KLF12: variants seen among roughly 807,000 people sequenced by gnomAD.
The protein encoded by KLF12 is KLF transcription factor 12, also known as Krueppel-like factor 12.
In KLF12, 9 loss-of-function variants were observed where a neutral mutation model predicts 37.8. That is an observed-to-expected ratio of 0.24 (90% confidence interval 0.14 to 0.42). The LOEUF is 0.42. Ranked by LOEUF, KLF12 falls within the 10% of genes least tolerant of loss-of-function variation. KLF12 has a pLI of 1.00. For synonymous variants in KLF12, 208 were observed against 202.1 expected, an observed-to-expected ratio of 1.03 and a Z score of -0.25; for missense variants, 411 against 516.0, an observed-to-expected ratio of 0.80 and a Z score of 1.97.
At chr13:73,862,034 G>A (rs553684672) in intron 3 of KLF12, among the ~76,000 whole-genome samples, 3 of 148,438 alleles carry the variant, frequency 2.0e-5, no homozygotes, top group South Asian at 4.3e-4. Context: ...TGTACAAACA[G>A]AAGAGTGCAG....
intron 5 of KLF12, among the ~76,000 whole-genome samples, chr13:73,781,749 A>G (rs1363403918): frequency 6.6e-6 from 1 of 152,232 alleles, no homozygotes; most frequent in Non-Finnish European, 1.5e-5. Flanking sequence ...AGAGCCAAAT[A>G]AAATAATTTC....
the KLF12 span, among the ~76,000 whole-genome samples, chr13:74,172,507 G>A: frequency 6.6e-5 from 10 of 152,188 alleles, no homozygotes; most frequent in East Asian, 5.8e-4. Context: ...GGCTGTTAAC[G>A]CCCCTGTAGA....
upstream of KLF12, among the ~76,000 whole-genome samples, chr13:74,137,286 T>C (rs1049246264): frequency 2.0e-5 from 3 of 152,212 alleles, no homozygotes; most frequent in African/African-American, 7.2e-5. Flanking sequence ...AAAGAATGTG[T>C]AGCGAGAAAG....
chr13:73,888,294 G>A (rs983940689), intron 3 of KLF12, among the ~76,000 whole-genome samples: 1 of 152,086 alleles, frequency 6.6e-6, no homozygotes, highest in African/African-American at 2.4e-5. Context: ...CTGAGCCACC[G>A]CGCCCGGCCA....
chr13:74,045,587 C>A (rs1893520978), intron 1 of KLF12, among the ~76,000 whole-genome samples: 1 of 150,008 alleles, frequency 6.7e-6, no homozygotes, highest in Admixed American at 6.6e-5. Context: ...CAGATAACAT[C>A]ATTTTGTTCA....
intron 5 of KLF12, among the ~76,000 whole-genome samples, chr13:73,777,069 G>A (rs1354715382): frequency 6.6e-6 from 1 of 152,208 alleles, no homozygotes; most frequent in Non-Finnish European, 1.5e-5. Context: ...CAACTAAACA[G>A]TAAAGAAATC....
At chr13:74,053,894 CAT>C (rs1286755612) in intron 1 of KLF12, among the ~76,000 whole-genome samples, 1 of 152,098 alleles carries the variant, frequency 6.6e-6, no homozygotes, top group Non-Finnish European at 1.5e-5. Flanking sequence ...CCTAGAGACA[CAT>C]AGTCATTAAA....
intron 1 of KLF12, among the ~76,000 whole-genome samples, chr13:74,101,293 T>C (rs1476542276): frequency 6.6e-6 from 1 of 152,204 alleles, no homozygotes; most frequent in East Asian, 1.9e-4. Flanking sequence ...AAGCACTTCT[T>C]TGAGTTTCCT....
chr13:74,237,425 G>A, the KLF12 span, among the ~76,000 whole-genome samples: 4 of 137,712 alleles, frequency 2.9e-5, no homozygotes, highest in African/African-American at 1.0e-4. Flanking sequence ...GGCGACGCGG[G>A]CTCTTTTTTG....
chr13:73,972,085 G>A (rs1570745), intron 2 of KLF12, among the ~76,000 whole-genome samples: 1 of 151,926 alleles, frequency 6.6e-6, no homozygotes, highest in African/African-American at 2.4e-5. Flanking sequence ...TGTAACAAAT[G>A]CTAAAGACAA....
In KLF12 at chr13:73,846,295, C is replaced by A; in HGVS notation, c.202G>T (p.Asp68Tyr). ...TGGAAGTGATCTACAGATAACGAGTCCTCCGGGGGCTCCCCTTTCACATTA... is the reference window on the plus strand; with the variant it reads ...TGGAAGTGATCTACAGATAACGAGTACTCCGGGGGCTCCCCTTTCACATTA... Residue 68 changes from aspartate to tyrosine, a missense_variant, in exon 4 of 8, where the codon GAC (aspartate) becomes TAC (tyrosine). Physicochemically the swap from Asp to Tyr is radical, Grantham distance 160. Transcript: ENST00000377669. 6.2e-7 allele frequency: 1 copy of A among 1,614,034 alleles called. No individual in the cohort carries two copies.
chr13:74,080,667 A>C (rs1264127221), intron 1 of KLF12, among the ~76,000 whole-genome samples: 1 of 152,220 alleles, frequency 6.6e-6, no homozygotes, highest in Non-Finnish European at 1.5e-5. Flanking sequence ...ATGGCTCCAC[A>C]ATCAACAGAG....
chr13:74,212,394 TGA>T, the KLF12 span, among the ~76,000 whole-genome samples: 3 of 152,116 alleles, frequency 2.0e-5, no homozygotes, highest in Admixed American at 6.6e-5. Context: ...AGCTAAAAGG[TGA>T]GAGAGTCTAG....
At chr13:74,144,611 T>G in the KLF12 span, among the ~76,000 whole-genome samples, 1 of 152,190 alleles carries the variant, frequency 6.6e-6, no homozygotes, top group Non-Finnish European at 1.5e-5. Context: ...GAACATTGTA[T>G]TTTAACTCAC....
chr13:73,887,832 T>C (rs575879020), intron 3 of KLF12, among the ~76,000 whole-genome samples: 1 of 152,288 alleles, frequency 6.6e-6, no homozygotes, highest in East Asian at 1.9e-4. Flanking sequence ...CCTCCATGAA[T>C]TTAAAAAATG....
At chr13:73,945,229 G>A (rs903368268) in intron 2 of KLF12, among the ~76,000 whole-genome samples, 23 of 152,306 alleles carry the variant, frequency 1.5e-4, no homozygotes, top group Admixed American at 1.5e-3. Context: ...AGCACTTTGG[G>A]AGGCTGAGGC....
At chr13:74,186,617 T>G in the KLF12 span, among the ~76,000 whole-genome samples, 1 of 152,076 alleles carries the variant, frequency 6.6e-6, no homozygotes, top group African/African-American at 2.4e-5. Context: ...CATCCCAAGG[T>G]GGTGTGTGAG....
the KLF12 span, among the ~76,000 whole-genome samples, chr13:74,152,837 C>T: frequency 0.18 from 27,114 of 150,804 alleles, 2,890 homozygotes; most frequent in African/African-American, 0.29. Flanking sequence ...TAAGCCATGA[C>T]TGCACCACTG....
At chr13:74,023,868 T>G (rs1892907123) in intron 1 of KLF12, among the ~76,000 whole-genome samples, 1 of 152,174 alleles carries the variant, frequency 6.6e-6, no homozygotes, top group East Asian at 1.9e-4. Context: ...GGTAGCAGAT[T>G]AAGCAAGTTT....
Sources: allele counts gnomAD v4.1 joint callset (sites outside exome capture counted in the v4.1 genomes callset), GRCh38; gene constraint gnomAD v4.1.1; transcripts MANE v1.5; gene names NCBI Gene and HGNC (gene_info 2026-07-23, HGNC 2026-07-21).